The following RUNX3 variants were observed in gnomAD, a reference collection of about 807,000 sequenced individuals.
RUNX3 encodes the protein runt-related transcription factor 3.
Under a neutral mutation model 27.7 loss-of-function variants are expected in RUNX3, and 10 were observed. That is an observed-to-expected ratio of 0.36 (90% CI 0.22 to 0.61). The LOEUF is 0.61. Among genes scored for constraint, RUNX3 ranks in the 20% least tolerant of loss-of-function variants. The pLI, the probability that RUNX3 is intolerant of heterozygous loss-of-function variation, is 0.72. For missense variants in RUNX3, 469 were observed against 629.5 expected (o/e 0.75, Z 2.73); for synonymous variants, 270 against 269.2 (o/e 1.00, Z -0.03).
intron 2 of RUNX3, among the ~76,000 whole-genome samples, chr1:24,956,479 C>G (rs890218636): frequency 6.6e-6 from 1 of 152,220 alleles, no homozygotes; most frequent in African/African-American, 2.4e-5. Flanking sequence ...TTCTCTCCCC[C>G]TGGGAAGGGA....
intron 2 of RUNX3, among the ~76,000 whole-genome samples, chr1:24,919,765 G>T (rs1482549563): frequency 6.7e-6 from 1 of 149,392 alleles, no homozygotes; most frequent in Non-Finnish European, 1.5e-5. Flanking sequence ...CCCCCCCCAC[G>T]GTTCCACTAG....
At chr1:24,946,083 A>G (rs2124348472) in intron 2 of RUNX3, among the ~76,000 whole-genome samples, 1 of 152,294 alleles carries the variant, frequency 6.6e-6, no homozygotes, top group South Asian at 2.1e-4. Context: ...GAGTGAATGA[A>G]TGGCTGAGTG....
chr1:24,907,229 C>T, intron 4 of RUNX3, 30 bp downstream of exon 4: 2 of 1,598,312 alleles, frequency 1.3e-6, no homozygotes, highest in Non-Finnish European at 1.7e-6. Flanking sequence ...CCCACCTCAC[C>T]CCGCTGCAGC....
chr1:24,915,577 G>A (rs931592647), intron 3 of RUNX3, among the ~76,000 whole-genome samples: 1 of 152,324 alleles, frequency 6.6e-6, no homozygotes, highest in South Asian at 2.1e-4. Context: ...CTGTGTGTGT[G>A]CCACTTGAAA....
At chr1:24,946,950 C>T (rs750176347) in intron 2 of RUNX3, among the ~76,000 whole-genome samples, 1 of 152,182 alleles carries the variant, frequency 6.6e-6, no homozygotes, top group Non-Finnish European at 1.5e-5. Flanking sequence ...TGGTCTAAGG[C>T]CCAGATGCTT....
At chr1:24,912,297 G>A (rs1345074429) in intron 3 of RUNX3, among the ~76,000 whole-genome samples, 1 of 152,152 alleles carries the variant, frequency 6.6e-6, no homozygotes, top group African/African-American at 2.4e-5. Flanking sequence ...TGGTCAGAGG[G>A]GCCCCAGAAA....
chr1:24,908,865 G>T (rs1640742198), intron 3 of RUNX3, among the ~76,000 whole-genome samples: 1 of 152,188 alleles, frequency 6.6e-6, no homozygotes, highest in Admixed American at 6.5e-5. Flanking sequence ...AGTCACTCTG[G>T]GATCCCCAGA....
At chr1:24,937,279 G>A (rs528385862) in intron 2 of RUNX3, among the ~76,000 whole-genome samples, 62 of 152,304 alleles carry the variant, frequency 4.1e-4, no homozygotes, top group African/African-American at 1.4e-3. Flanking sequence ...TTGTTTTAAT[G>A]CCCTGCCACC....
chr1:24,906,864 C>T (rs752571323), intron 4 of RUNX3, among the ~76,000 whole-genome samples: 3 of 152,184 alleles, frequency 2.0e-5, no homozygotes, highest in African/African-American at 4.8e-5. Context: ...GATGAAAAAT[C>T]GCAGGCTGTG....
rs556267504 is a variant in RUNX3, at chr1:24,917,681, A to G, written c.544+1559T>C. Reference sequence around the variant, plus strand: ...ATAGATTAAGCCACTGTTTCCTCGCAATAGCATCATGAGGTAGCTGCTTGT... The same window carrying G: ...ATAGATTAAGCCACTGTTTCCTCGCGATAGCATCATGAGGTAGCTGCTTGT... On this transcript the variant is annotated intron_variant, in intron 3 of 4. Coordinates refer to ENST00000308873, the MANE Select transcript of RUNX3 (RefSeq NM_004350.3). 1.3e-4 allele frequency among the ~76,000 whole-genome samples: 20 copies of G among 152,296 alleles called. 1 individual carries two copies. Among genetic ancestry groups the G allele is most frequent in the African/African-American group, 4.8e-4 (20 of 41,570 alleles).
At position 24,901,908 on chromosome 1, in the gene RUNX3, C is replaced by T; in HGVS notation, c.*214G>A. On this transcript the variant is annotated 3_prime_UTR_variant, in exon 5 of 5. Transcript: ENST00000308873. Reference sequence around the variant, plus strand: ...CCAGGATCTGGGCCGGGGGCAGTATCCCGGGCCGGGGTGGGGGTGGTAACC... The same window carrying T: ...CCAGGATCTGGGCCGGGGGCAGTATTCCGGGCCGGGGTGGGGGTGGTAACC... The T allele has an allele frequency of 1.9e-6, 1 of 531,452 alleles. No homozygotes were observed. Among genetic ancestry groups the T allele is most frequent in the Non-Finnish European group, 3.3e-6 (1 of 301,786 alleles). 32.9% of individuals were successfully genotyped at this position (531,452 alleles called of 1,614,324 possible).
At chr1:24,918,005 C>T (rs886106800) in intron 3 of RUNX3, among the ~76,000 whole-genome samples, 4 of 152,198 alleles carry the variant, frequency 2.6e-5, no homozygotes, top group Non-Finnish European at 5.9e-5. Flanking sequence ...GTGGCCAGGG[C>T]AAGTGCTGGC....
intron 2 of RUNX3, among the ~76,000 whole-genome samples, chr1:24,941,566 T>C (rs1435700724): frequency 2.0e-5 from 3 of 152,168 alleles, no homozygotes; most frequent in Non-Finnish European, 4.4e-5. Flanking sequence ...AGCTGAGCCT[T>C]GAACCTCAGC....
intron 2 of RUNX3, chr1:24,964,487 C>G (rs771649441): frequency 6.3e-7 from 1 of 1,591,604 alleles, no homozygotes; most frequent in Non-Finnish European, 8.6e-7. Context: ...AGCTCCCCAC[C>G]CAGGGCCCTG....
intron 3 of RUNX3, 124 bp downstream of exon 3, chr1:24,919,116 G>C (rs1571314686): frequency 1.7e-6 from 1 of 598,116 alleles, no homozygotes; most frequent in East Asian, 3.1e-5. Flanking sequence ...GCAGTGTGTG[G>C]GGGCACAGAG....
At chr1:24,961,604 A>G (rs902513460) in intron 2 of RUNX3, 1 of 152,230 alleles carries the variant, frequency 6.6e-6, no homozygotes, top group Non-Finnish European at 1.5e-5. Context: ...GCAGTCCCCA[A>G]GCCTGCCTGA....
At chr1:24,960,517 C>T (rs1043997288) in intron 2 of RUNX3, among the ~76,000 whole-genome samples, 7 of 152,206 alleles carry the variant, frequency 4.6e-5, no homozygotes, top group African/African-American at 7.2e-5. Context: ...TTTGCCCCCC[C>T]GCCGCCCCAG....
chr1:24,935,559 C>T (rs1266452659), intron 2 of RUNX3, among the ~76,000 whole-genome samples: 1 of 152,198 alleles, frequency 6.6e-6, no homozygotes, highest in East Asian at 1.9e-4. Context: ...TTTGCGGGAG[C>T]GCAGAGCAGA....
chr1:24,954,641 C>G (rs1216390113), intron 2 of RUNX3, among the ~76,000 whole-genome samples: 1 of 152,212 alleles, frequency 6.6e-6, no homozygotes, highest in African/African-American at 2.4e-5. Flanking sequence ...GGATTCTCCC[C>G]AGGACAGGTT....
Sources: gnomAD v4.1 joint callset for allele counts (sites outside exome capture counted in the v4.1 genomes callset) on GRCh38, gnomAD v4.1.1 for gene constraint, MANE v1.5 for transcripts, NCBI Gene and HGNC (gene_info 2026-07-23, HGNC 2026-07-21) for gene names.